AQR: variants seen among roughly 807,000 people sequenced by gnomAD.
AQR encodes RNA helicase aquarius.
Under a neutral mutation model 180.5 loss-of-function variants are expected in AQR, and 61 were observed. The observed-to-expected ratio is 0.34, with a 90% confidence interval of 0.28 to 0.42. The LOEUF is 0.42. Among genes scored for constraint, AQR ranks in the 10% least tolerant of loss-of-function variants. The pLI is 1.00. For missense variants in AQR, 1,281 were observed against 1,798.3 expected, an observed-to-expected ratio of 0.71 and a Z score of 5.20; for synonymous variants, 551 against 588.8, an observed-to-expected ratio of 0.94 and a Z score of 0.93.
At chr15:34,893,245 C>A (rs1377879856) in intron 23 of AQR, among the ~76,000 whole-genome samples, 1 of 152,170 alleles carries the variant, frequency 6.6e-6, no homozygotes, top group Non-Finnish European at 1.5e-5. Flanking sequence ...CCTAATGCAG[C>A]CCCTGTATCT....
intron 1 of AQR, among the ~76,000 whole-genome samples, chr15:34,966,033 A>G (rs1356422424): frequency 5.9e-5 from 9 of 152,178 alleles, no homozygotes; most frequent in African/African-American, 1.2e-4. Flanking sequence ...AAATATCACG[A>G]TCTCACAGTA....
chr15:34,882,694 TA>T, intron 26 of AQR, 55 bp from the exon 27 acceptor site: 1 of 1,476,520 alleles, frequency 6.8e-7, no homozygotes, highest in Non-Finnish European at 9.1e-7. Context: ...GTTTTGCACA[TA>T]ACCATACAAT....
At chr15:34,941,843 TAAAAACTTTAAAATA>T (rs1894027652) in intron 7 of AQR, among the ~76,000 whole-genome samples, 154 bp downstream of exon 7, 1 of 152,176 alleles carries the variant, frequency 6.6e-6, no homozygotes, top group Admixed American at 6.5e-5. Context: ...CGAATGCATA[TAAAAACTTTAAAATA>T]AAAACTATAT....
chr15:34,857,499 C>T (rs973647662), intron 34 of AQR, among the ~76,000 whole-genome samples: 4 of 151,942 alleles, frequency 2.6e-5, no homozygotes, highest in South Asian at 2.1e-4. Flanking sequence ...GTGGCATTCC[C>T]GGCACTTTGG....
chr15:34,920,511 G>C, intron 13 of AQR, 77 bp from the exon 14 acceptor site: 1 of 1,076,662 alleles, frequency 9.3e-7, no homozygotes, highest in Non-Finnish European at 1.4e-6. Flanking sequence ...TTTACAAATA[G>C]CTTAAAAAAG....
chr15:34,955,489 C>T (rs1480654986), intron 3 of AQR, among the ~76,000 whole-genome samples: 4 of 152,048 alleles, frequency 2.6e-5, no homozygotes, highest in South Asian at 2.1e-4. Context: ...CACAACCATA[C>T]GGAAAAAATC....
chr15:34,883,762 A>G (rs988366309), intron 26 of AQR, among the ~76,000 whole-genome samples: 1 of 152,160 alleles, frequency 6.6e-6, no homozygotes, highest in African/African-American at 2.4e-5. Flanking sequence ...TTTGCTATCT[A>G]TTTTTGCAAT....
intron 27 of AQR, among the ~76,000 whole-genome samples, chr15:34,877,195 C>T (rs566572919): frequency 2.0e-5 from 3 of 152,284 alleles, no homozygotes; most frequent in African/African-American, 7.2e-5. Context: ...TCATTTAGAT[C>T]TATTATCAAT....
In AQR at chr15:34,969,681, A is replaced by G. The variant is rs1459472030; in HGVS notation, c.-68T>C. 3.3e-6 allele frequency: 5 copies of G among 1,522,796 alleles called. No individual in the cohort carries two copies. The highest frequency in any genetic ancestry group is 2.7e-6 in the Non-Finnish European group (3 of 1,125,564). The allele number at this position is 1,522,796 out of a possible 1,614,324, so 94.3% of individuals were successfully genotyped here. ...CTCTGGGCAGCGGCAACCCTGGTCC[A>G]CTTCCCTTAAGTTACTGCCGGGGCG... is the stretch of plus-strand genomic sequence containing the variant. On this transcript the variant is annotated 5_prime_UTR_variant, in exon 1 of 35. Transcript: ENST00000156471.
At chr15:34,895,159 CAAAAAAAAAAAAAA>C (rs397853998) in intron 22 of AQR, among the ~76,000 whole-genome samples, 1 of 2,456 alleles carries the variant, frequency 4.1e-4, no homozygotes. Context: ...AAGACTGTCT[CAAAAAAAAAAAAAA>C]AAAAAAAAAA....
Position 34,884,539 on chromosome 15 carries a change from A to AG in AQR, c.3012dup (p.Phe1005LeufsTer5). On this transcript the variant is annotated frameshift_variant, in exon 26 of 35. Coordinates refer to ENST00000156471, the MANE Select transcript of AQR (RefSeq NM_014691.3). LOFTEE classifies it high-confidence loss of function. ...AGAATCCTTACCTCAAGCTGCGTAA[A>AG]GATTTTCTTAATATGCCTGAAACAT... The AG allele has an allele frequency of 6.3e-7, 1 of 1,592,802 alleles. No homozygotes were observed. The highest frequency in any genetic ancestry group is 8.5e-7 in the Non-Finnish European group (1 of 1,173,344).
At chr15:34,928,535 T>C (rs189854907) in intron 12 of AQR, among the ~76,000 whole-genome samples, 68 of 152,356 alleles carry the variant, frequency 4.5e-4, no homozygotes, top group Non-Finnish European at 8.8e-4. Context: ...CTCATTCCTT[T>C]TGATGGCTGC....
intron 6 of AQR, chr15:34,942,947 TTACTAA>T: frequency 9.9e-7 from 1 of 1,006,346 alleles, no homozygotes; most frequent in Non-Finnish European, 1.4e-6. Flanking sequence ...TATCACCAAA[TTACTAA>T]TACTAATAAA....
chr15:34,879,062 A>G (rs1019155685), intron 27 of AQR, among the ~76,000 whole-genome samples: 2 of 152,080 alleles, frequency 1.3e-5, no homozygotes, highest in African/African-American at 4.8e-5. Context: ...CAAAATACAA[A>G]TTGAAACAAG....
In AQR at chr15:34,923,435, T is replaced by C. The variant is rs188833022; in HGVS notation, c.1119-3001A>G. ...ATCAATGTCTTTCAAAGAGCAGAAGTCTCTTAGTTTTGATCAAGTCCAATT... is the reference window on the plus strand; with the variant it reads ...ATCAATGTCTTTCAAAGAGCAGAAGCCTCTTAGTTTTGATCAAGTCCAATT... On this transcript the variant is annotated intron_variant, in intron 13 of 34. Coordinates refer to ENST00000156471, the MANE Select transcript of AQR (RefSeq NM_014691.3). Among the ~76,000 whole-genome samples the C allele has an allele frequency of 5.9e-4, 90 of 152,298 alleles. 1 individual carries two copies. The highest frequency in any genetic ancestry group is 1.0e-3 in the Non-Finnish European group (69 of 68,038).
intron 6 of AQR, among the ~76,000 whole-genome samples, 177 bp downstream of exon 6, chr15:34,944,111 T>C (rs752105487): frequency 1.3e-5 from 2 of 152,214 alleles, no homozygotes; most frequent in Non-Finnish European, 2.9e-5. Context: ...TAAAAACATA[T>C]CTTAAAGACT....
chr15:34,895,795 AAC>A (rs1893234827), intron 22 of AQR, among the ~76,000 whole-genome samples: 1 of 151,872 alleles, frequency 6.6e-6, no homozygotes, highest in Non-Finnish European at 1.5e-5. Context: ...TCAACAAAAC[AAC>A]AGACAGAAAA....
At chr15:34,888,800 T>A (rs1353885889) in intron 24 of AQR, among the ~76,000 whole-genome samples, 1 of 152,242 alleles carries the variant, frequency 6.6e-6, no homozygotes, top group Non-Finnish European at 1.5e-5. Context: ...AACCACTCCT[T>A]CTCTACAACT....
chr15:34,854,555 CA>C lies in AQR; in HGVS notation c.*2236del. ...AATAAGTACAGCTCTTAAATTCCTT[CA>C]AAAATTCCCAAGATTCTACAGTCAA... is the stretch of plus-strand genomic sequence containing the variant. On this transcript the variant is annotated 3_prime_UTR_variant, in exon 35 of 35. Transcript: ENST00000156471. The C allele has an allele frequency of 6.6e-6, 1 of 152,276 alleles. No individual in the cohort carries two copies. Among genetic ancestry groups the C allele is most frequent in the Non-Finnish European group, 1.5e-5 (1 of 68,028 alleles). The allele number at this position is 152,276 out of a possible 1,614,324, so 9.4% of individuals were successfully genotyped here.
Sources: gnomAD v4.1 joint callset for allele counts (sites outside exome capture counted in the v4.1 genomes callset) on GRCh38, gnomAD v4.1.1 for gene constraint, MANE v1.5 for transcripts, NCBI Gene and HGNC (gene_info 2026-07-23, HGNC 2026-07-21) for gene names.